The following OOSP3 variants were observed in gnomAD, a reference collection of about 807,000 sequenced individuals.
The protein encoded by OOSP3 is oocyte secreted protein family member 3, also known as oocyte-secreted protein 3.
intron 1 of OOSP3, among the ~76,000 whole-genome samples, chr11:59,879,109 A>G (rs920027484): frequency 2.7e-4 from 41 of 152,088 alleles, no homozygotes; most frequent in Admixed American, 1.6e-3. Context: ...CTCTGGATTT[A>G]GGTGTTTTCT....
intron 2 of OOSP3, among the ~76,000 whole-genome samples, chr11:59,880,909 G>A (rs1225573913): frequency 1.3e-5 from 2 of 152,166 alleles, no homozygotes; most frequent in East Asian, 1.9e-4. Context: ...ATTCACTAGG[G>A]GAAGTCAGAG....
intron 2 of OOSP3, among the ~76,000 whole-genome samples, chr11:59,885,660 T>A (rs2134527472): frequency 1.3e-5 from 2 of 152,354 alleles, no homozygotes; most frequent in Middle Eastern, 3.4e-3. Context: ...TTCTTCCTTT[T>A]TATGGCTGCA....
chr11:59,884,475 G>GTCTGTC (rs1293196028), intron 2 of OOSP3, among the ~76,000 whole-genome samples: 2 of 113,878 alleles, frequency 1.8e-5, no homozygotes, highest in Non-Finnish European at 3.5e-5. Context: ...CTGTCTGTCT[G>GTCTGTC]TCTCTCTCTC....
chr11:59,887,719 G>GTT (rs1305292356), intron 2 of OOSP3, among the ~76,000 whole-genome samples: 1 of 152,160 alleles, frequency 6.6e-6, no homozygotes, highest in Non-Finnish European at 1.5e-5. Context: ...ATAGTTTGAG[G>GTT]TTTTGTAGCA....
At chr11:59,894,546 G>A (rs73490968) in intron 3 of OOSP3, among the ~76,000 whole-genome samples, 6,254 of 152,232 alleles carry the variant, frequency 0.041, 411 homozygotes, top group African/African-American at 0.14. Flanking sequence ...GGCAGGATTT[G>A]ACTTTGGAGC....
intron 2 of OOSP3, among the ~76,000 whole-genome samples, chr11:59,889,388 T>G (rs112176494): frequency 1.3e-5 from 2 of 152,314 alleles, no homozygotes; most frequent in African/African-American, 4.8e-5. Flanking sequence ...AGTTTTGATG[T>G]TAGGGTGTTA....
At chr11:59,885,480 C>T (rs190639092) in intron 2 of OOSP3, among the ~76,000 whole-genome samples, 59 of 152,036 alleles carry the variant, frequency 3.9e-4, no homozygotes, top group African/African-American at 1.3e-3. Context: ...CCTCCCCATC[C>T]CCCTGACAGT....
At chr11:59,893,263 T>A (rs1853328169) in intron 2 of OOSP3, among the ~76,000 whole-genome samples, 1 of 152,250 alleles carries the variant, frequency 6.6e-6, no homozygotes, top group African/African-American at 2.4e-5. Context: ...AATAAGACAT[T>A]TTTGTAAAAA....
rs117465220 is a variant in OOSP3, at chr11:59,894,974, C to T, written c.351-528C>T. The stretch of plus-strand genomic sequence containing the variant: ...CATAATACCTAACTTCCCCCACCCC[C>T]AATTTTGATAGCTTATATAAATCAA... On this transcript the variant is annotated intron_variant, in intron 3 of 4. Coordinates refer to ENST00000646438, the Ensembl canonical transcript of OOSP3. Among the ~76,000 whole-genome samples the T allele has an allele frequency of 6.8e-3, 1,030 of 152,244 alleles. 3 individuals are homozygous for T. The highest frequency in any genetic ancestry group is 9.5e-3 in the Non-Finnish European group (644 of 68,016).
chr11:59,889,198 G>A (rs2134529900), intron 2 of OOSP3, among the ~76,000 whole-genome samples: 2 of 150,778 alleles, frequency 1.3e-5, no homozygotes, highest in Middle Eastern at 6.9e-3. Context: ...TTCTTTATTA[G>A]TCTAGCTAGT....
At chr11:59,893,770 C>A (rs1853332415) in intron 2 of OOSP3, among the ~76,000 whole-genome samples, 1 of 152,072 alleles carries the variant, frequency 6.6e-6, no homozygotes, top group South Asian at 2.1e-4. Context: ...TGTTTAAGAG[C>A]TAAATATGAG....
intron 4 of OOSP3, 97 bp from the exon 5 acceptor site, chr11:59,896,036 A>G (rs1590876341): frequency 2.5e-6 from 1 of 396,868 alleles, no homozygotes; most frequent in Non-Finnish European, 4.4e-6. Context: ...CTCCGTGTTC[A>G]CTAGTCAATA....
At chr11:59,893,610 C>T (rs550385356) in intron 2 of OOSP3, among the ~76,000 whole-genome samples, 3 of 152,276 alleles carry the variant, frequency 2.0e-5, no homozygotes, top group African/African-American at 7.2e-5. Flanking sequence ...TTCTGCCTCA[C>T]CTTCCCAAAG....
At chr11:59,891,412 G>C (rs1247840507) in intron 2 of OOSP3, among the ~76,000 whole-genome samples, 1 of 152,192 alleles carries the variant, frequency 6.6e-6, no homozygotes. Context: ...CTTCTTGGAT[G>C]TATCTACCTT....
Position 59,895,077 on chromosome 11 carries a change from C to T in OOSP3, c.351-425C>T, listed in dbSNP as rs75043204. On this transcript the variant is annotated intron_variant, in intron 3 of 4. Coordinates refer to ENST00000646438, the Ensembl canonical transcript of OOSP3. ...TAGATGTTTTCTTAATATACTATGGCCCTATGACTTTTGGGGAAATCCCTG... is the reference window on the plus strand; with the variant it reads ...TAGATGTTTTCTTAATATACTATGGTCCTATGACTTTTGGGGAAATCCCTG... 6.9e-3 allele frequency among the ~76,000 whole-genome samples: 1,055 copies of T among 152,052 alleles called. 11 individuals carry two copies. Among genetic ancestry groups the T allele is most frequent in the African/African-American group, 0.022 (892 of 41,480 alleles).
chr11:59,883,270 C>G (rs1205365084), intron 2 of OOSP3, among the ~76,000 whole-genome samples: 2 of 152,136 alleles, frequency 1.3e-5, no homozygotes, highest in Non-Finnish European at 2.9e-5. Flanking sequence ...TCTTTCTTTA[C>G]CACTCACCTA....
chr11:59,880,357 G>A, exon 2 of OOSP3: 1 of 398,496 alleles, frequency 2.5e-6, no homozygotes, highest in Non-Finnish European at 4.4e-6. Context: ...GCATCTCTGG[G>A]AACTGGCTGT....
At chr11:59,881,428 C>A (rs532887129) in intron 2 of OOSP3, among the ~76,000 whole-genome samples, 1 of 151,446 alleles carries the variant, frequency 6.6e-6, no homozygotes, top group Non-Finnish European at 1.5e-5. Context: ...ATGATAAAAT[C>A]TCCTGTATCT....
chr11:59,891,629 C>G (rs907818527), intron 2 of OOSP3, among the ~76,000 whole-genome samples: 3 of 152,340 alleles, frequency 2.0e-5, no homozygotes, highest in East Asian at 1.9e-4. Context: ...CTGTGCCTTC[C>G]TCTGGGAGCT....
Sources: allele counts gnomAD v4.1 joint callset (sites outside exome capture counted in the v4.1 genomes callset), GRCh38; gene constraint gnomAD v4.1.1; transcripts MANE v1.5; gene names NCBI Gene and HGNC (gene_info 2026-07-23, HGNC 2026-07-21).